AGL: variants seen among roughly 807,000 people sequenced by gnomAD.
The protein encoded by AGL is amylo-alpha-1,6-glucosidase and 4-alpha-glucanotransferase.
In AGL, 128 loss-of-function variants were observed where a neutral mutation model predicts 199.3. That is an observed-to-expected ratio of 0.64 (90% CI 0.56 to 0.74). The LOEUF is 0.74. Among genes scored for constraint, AGL ranks in the 30% least tolerant of loss-of-function variants. The pLI, the probability that AGL is intolerant of heterozygous loss-of-function variation, is 0.00. For synonymous variants in AGL, 584 were observed against 594.7 expected (o/e 0.98, Z 0.26); for missense variants, 1,809 against 1,820.8 (o/e 0.99, Z 0.12).
At chr1:99,913,403 CA>C in intron 29 of AGL, 123 bp from the exon 30 acceptor site, 2 of 842,296 alleles carry the variant, frequency 2.4e-6, no homozygotes, top group South Asian at 3.3e-5. Context: ...CCACATTTTC[CA>C]AAAGTGGATA....
chr1:99,910,679 A>T, intron 27 of AGL, 33 bp from the exon 28 acceptor site: 1 of 1,334,702 alleles, frequency 7.5e-7, no homozygotes, highest in Non-Finnish European at 1.0e-6. Context: ...TAATACTTAT[A>T]AAATTTTATT....
chr1:99,864,721 G>C, intron 5 of AGL, 132 bp downstream of exon 5: 1 of 771,248 alleles, frequency 1.3e-6, no homozygotes. Flanking sequence ...AAACACAAAT[G>C]ATGATTAGGT....
chr1:99,915,549 C>A (rs1175119516), intron 31 of AGL, 63 bp downstream of exon 31: 12 of 1,286,120 alleles, frequency 9.3e-6, no homozygotes, highest in African/African-American at 3.1e-5. Flanking sequence ...TGACATCAAC[C>A]ATAATTTTTT....
intron 27 of AGL, among the ~76,000 whole-genome samples, chr1:99,909,364 AG>A (rs1264484100): frequency 6.6e-6 from 1 of 152,044 alleles, no homozygotes; most frequent in Non-Finnish European, 1.5e-5. Context: ...CACGCTGCTG[AG>A]GAAGGGGAGC....
intron 25 of AGL, among the ~76,000 whole-genome samples, chr1:99,897,364 A>G (rs1047703871): frequency 8.5e-5 from 13 of 152,208 alleles, no homozygotes; most frequent in Non-Finnish European, 1.9e-4. Flanking sequence ...ATGATTATCA[A>G]CAGTCTAAGG....
rs1414236731 is a variant in AGL at position 99,860,169 on chromosome 1, C to T, written c.83-1334C>T. Reference sequence around the variant, plus strand: ...TCACTATAGAGCATTCTCTTAGTGTCTTTTACTGAAATCTTTTGTTCACAG... The same window carrying T: ...TCACTATAGAGCATTCTCTTAGTGTTTTTTACTGAAATCTTTTGTTCACAG... On this transcript the variant is annotated intron_variant, in intron 2 of 33. Transcript: ENST00000361915. Among the ~76,000 whole-genome samples the T allele has an allele frequency of 2.0e-5, 3 of 152,104 alleles. No homozygotes were observed. The South Asian group carries it at 6.2e-4, about 31-fold the overall frequency.
At chr1:99,863,748 C>CTTTT (rs11372707) in intron 4 of AGL, among the ~76,000 whole-genome samples, 1 of 118,882 alleles carries the variant, frequency 8.4e-6, no homozygotes, top group African/African-American at 3.1e-5. Context: ...TGCGCCTGGC[C>CTTTT]TTTTTTTTTT....
In AGL at chr1:99,880,957, C is replaced by CAAA. The variant is rs1267091773; in HGVS notation, c.1900-118_1900-116dup. 2.4e-6 allele frequency: 3 copies of CAAA among 1,235,522 alleles called. No homozygotes were observed. The African/African-American group carries it at 4.5e-5, about 19-fold the overall frequency. 76.5% of individuals were successfully genotyped at this position (1,235,522 alleles called of 1,614,324 possible). A position where few individuals can be genotyped will look rare whatever the true frequency, so the allele number is the denominator to read the frequency against. On this transcript the variant is annotated intron_variant, in intron 14 of 33. Coordinates refer to ENST00000361915, the MANE Select transcript of AGL (RefSeq NM_000642.3). ...TCAGAATGTTTTACTTGTTTAAAAG[C>CAAA]AAATTAATTTACCTTATGAATTTAT... is the stretch of plus-strand genomic sequence containing the variant.
At chr1:99,887,618 A>T (rs1469729674) in intron 20 of AGL, among the ~76,000 whole-genome samples, 1 of 152,224 alleles carries the variant, frequency 6.6e-6, no homozygotes, top group Non-Finnish European at 1.5e-5. Flanking sequence ...AGAACACATA[A>T]ATAAATGAAG....
chr1:99,871,319 C>T (rs1379931015), intron 7 of AGL, among the ~76,000 whole-genome samples: 1 of 151,760 alleles, frequency 6.6e-6, no homozygotes, highest in African/African-American at 2.4e-5. Context: ...CACCTAACCA[C>T]TAGTGATATT....
At chr1:99,880,555 CATTT>C (rs1651927737) in intron 13 of AGL, 73 bp from the exon 14 acceptor site, 25 of 1,479,672 alleles carry the variant, frequency 1.7e-5, no homozygotes, top group Non-Finnish European at 2.4e-5. Flanking sequence ...TTTTGAAAAT[CATTT>C]ATGAGAAGAA....
At chr1:99,907,473 A>G (rs973988622) in intron 27 of AGL, among the ~76,000 whole-genome samples, 13 of 152,122 alleles carry the variant, frequency 8.5e-5, no homozygotes, top group Non-Finnish European at 1.6e-4. Context: ...TCTACCTAGA[A>G]GAGAACTTGC....
intron 24 of AGL, among the ~76,000 whole-genome samples, chr1:99,892,867 C>G (rs775257533): frequency 1.1e-4 from 17 of 151,758 alleles, no homozygotes; most frequent in Non-Finnish European, 2.1e-4. Context: ...TCTTGACATT[C>G]TGTGTTTTTT....
At chr1:99,915,348 TG>T (rs775114808) in intron 30 of AGL, 40 bp from the exon 31 acceptor site, 1 of 1,487,216 alleles carries the variant, frequency 6.7e-7, no homozygotes, top group Non-Finnish European at 9.4e-7. Context: ...AATTCTTCTG[TG>T]ATCTTAAAAA....
intron 2 of AGL, among the ~76,000 whole-genome samples, chr1:99,858,321 TTGA>T (rs1649749304): frequency 6.6e-6 from 1 of 152,220 alleles, no homozygotes; most frequent in African/African-American, 2.4e-5. Flanking sequence ...ACTTAAGTCT[TTGA>T]TGTAAACATG....
intron 5 of AGL, among the ~76,000 whole-genome samples, chr1:99,867,456 A>T (rs1650613944): frequency 6.6e-6 from 1 of 152,152 alleles, no homozygotes; most frequent in Non-Finnish European, 1.5e-5. Context: ...CCCAACTCCC[A>T]GCCTGGGGTT....
intron 24 of AGL, among the ~76,000 whole-genome samples, 157 bp from the exon 25 acceptor site, chr1:99,896,129 A>T (rs778676682): frequency 1.3e-5 from 2 of 152,266 alleles, no homozygotes; most frequent in Non-Finnish European, 2.9e-5. Flanking sequence ...ATAAGTATAG[A>T]CATACATTTT....
At chr1:99,876,621 T>A in intron 11 of AGL, 24 bp downstream of exon 11, 1 of 1,613,206 alleles carries the variant, frequency 6.2e-7, no homozygotes. Flanking sequence ...AACTTCTCTG[T>A]GGATGGGGAA....
intron 33 of AGL, among the ~76,000 whole-genome samples, chr1:99,920,377 G>T (rs1448791373): frequency 2.0e-5 from 3 of 152,112 alleles, no homozygotes; most frequent in Non-Finnish European, 4.4e-5. Context: ...ATCTTCATGT[G>T]GCATTATCTT....
Sources: gnomAD v4.1 joint callset for allele counts (sites outside exome capture counted in the v4.1 genomes callset) on GRCh38, gnomAD v4.1.1 for gene constraint, MANE v1.5 for transcripts, NCBI Gene and HGNC (gene_info 2026-07-23, HGNC 2026-07-21) for gene names.